HTR3B: variants seen among roughly 807,000 people sequenced by gnomAD.
HTR3B encodes 5-hydroxytryptamine receptor 3B, also known as 5-hydroxytryptamine (serotonin) receptor 3B, ionotropic.
HTR3B carries 44 observed loss-of-function variants against 42.8 expected under a neutral mutation model. The observed-to-expected ratio is 1.03, with a 90% confidence interval of 0.81 to 1.32. The LOEUF (loss-of-function observed/expected upper bound fraction) is 1.32, where lower values mean the gene tolerates loss of function less well. Ranked by LOEUF, HTR3B falls within the 40% of genes most tolerant of loss-of-function variation. The pLI, the probability that HTR3B is intolerant of heterozygous loss-of-function variation, is 0.00. For synonymous variants in HTR3B, 203 were observed against 209.0 expected (o/e 0.97, Z 0.25); for missense variants, 527 against 536.5 (o/e 0.98, Z 0.17).
At chr11:113,920,749 G>T (rs1474994195) in intron 2 of HTR3B, among the ~76,000 whole-genome samples, 1 of 152,048 alleles carries the variant, frequency 6.6e-6, no homozygotes, top group Non-Finnish European at 1.5e-5. Context: ...TTAAATACCA[G>T]GAAATACCTC....
At chr11:113,914,935 C>T (rs1250858078) in intron 2 of HTR3B, among the ~76,000 whole-genome samples, 6 of 152,084 alleles carry the variant, frequency 3.9e-5, no homozygotes, top group Admixed American at 6.6e-5. Flanking sequence ...TACACATATT[C>T]AGTTTTTTCT....
intron 6 of HTR3B, among the ~76,000 whole-genome samples, chr11:113,937,008 T>A (rs1356636425): frequency 6.6e-6 from 1 of 152,182 alleles, no homozygotes; most frequent in Non-Finnish European, 1.5e-5. Flanking sequence ...TAATGGATAA[T>A]GAAATTGTGG....
intron 2 of HTR3B, among the ~76,000 whole-genome samples, chr11:113,925,417 GT>G (rs201996305): frequency 0.024 from 2,448 of 100,704 alleles, 5 homozygotes; most frequent in African/African-American, 0.074. Context: ...TTACGAATTT[GT>G]TTTTTTTTTT....
rs34377344 is a variant in HTR3B at position 113,910,442 on chromosome 11, C to CTTT, written c.213+1001_213+1003dup. 1.6e-3 allele frequency among the ~76,000 whole-genome samples: 223 copies of CTTT among 136,262 alleles called. 1 individual carries two copies. Among genetic ancestry groups the CTTT allele is most frequent in the African/African-American group, 5.8e-3 (208 of 36,060 alleles). The allele number at this position is 136,262 out of a possible 152,430, so 89.4% of individuals were successfully genotyped here. A position where few individuals can be genotyped will look rare whatever the true frequency, so the allele number is the denominator to read the frequency against. ...CCCAGAGTTATTTTGATTTCTCTCT[C>CTTT]TTTTTTTTTTTTTTTTGAGACGGAG... On this transcript the variant is annotated intron_variant, in intron 2 of 8. Coordinates refer to ENST00000260191, the MANE Select transcript of HTR3B (RefSeq NM_006028.5).
Position 113,945,975 on chromosome 11 carries a change from C to T in HTR3B, c.1164C>T (p.Ile388=). 6.2e-7 allele frequency: 1 copy of T among 1,614,170 alleles called. No homozygotes were observed. The highest frequency in any genetic ancestry group is 8.5e-7 in the Non-Finnish European group (1 of 1,180,020). The change falls in exon 9 of 9, where the codon ATC becomes ATT. Residue 388 remains isoleucine, a synonymous_variant. Transcript: ENST00000260191. ...LKEVWSQLQS[I]SNYLQTQDQT... is the part of the protein sequence containing the mutation. The stretch of plus-strand genomic sequence containing the variant: ...AAGTCTGGTCGCAGCTTCAATCTAT[C>T]AGCAACTACCTCCAAACTCAGGACC...
chr11:113,913,350 ATTTTTTTTTTTTTTTTTT>A (rs71063533), intron 2 of HTR3B, among the ~76,000 whole-genome samples: 2 of 61,522 alleles, frequency 3.3e-5, no homozygotes, highest in Non-Finnish European at 5.5e-5. Context: ...TGTCTGGCTA[ATTTTTTTTTTTTTTTTTT>A]TTTTTTTTTT....
intron 6 of HTR3B, among the ~76,000 whole-genome samples, chr11:113,936,698 G>A (rs1000778368): frequency 6.6e-6 from 1 of 152,176 alleles, no homozygotes; most frequent in Non-Finnish European, 1.5e-5. Flanking sequence ...GTGCTTAAAT[G>A]GCAGCAACTT....
At chr11:113,918,540 C>A (rs991161488) in intron 2 of HTR3B, among the ~76,000 whole-genome samples, 16 of 151,710 alleles carry the variant, frequency 1.1e-4, no homozygotes, top group Non-Finnish European at 2.2e-4. Context: ...TTTCCTTTAG[C>A]ATAATTCCCT....
At chr11:113,941,632 A>T (rs538946701) in intron 6 of HTR3B, among the ~76,000 whole-genome samples, 1 of 152,064 alleles carries the variant, frequency 6.6e-6, no homozygotes, top group Non-Finnish European at 1.5e-5. Context: ...CAAAGATGGG[A>T]CCACTGGTCA....
intron 2 of HTR3B, among the ~76,000 whole-genome samples, chr11:113,918,285 G>A (rs1397841016): frequency 2.6e-5 from 4 of 151,592 alleles, no homozygotes; most frequent in Non-Finnish European, 4.4e-5. Context: ...GTGTGTGTGT[G>A]TGTGTGTGTG....
Position 113,944,739 on chromosome 11 carries a change from A to G in HTR3B, c.1074A>G (p.Gln358=), listed in dbSNP as rs765500449. 3.1e-6 allele frequency: 5 copies of G among 1,614,098 alleles called. No individual in the cohort carries two copies. The highest frequency in any genetic ancestry group is 1.7e-4 in the Middle Eastern group (1 of 6,060). ...GGCCTAGAGTGGAACCCAGGGCCCA[A>G]CGTGCTGTGGTAACAGGTGTGTGAG... ...ADRPRVEPRA[Q]RAVVTESSLY... Residue 358 remains glutamine, a synonymous_variant, in exon 8 of 9, where the codon CAA becomes CAG. Coordinates refer to ENST00000260191, the MANE Select transcript of HTR3B (RefSeq NM_006028.5).
At chr11:113,911,834 A>G (rs1409435086) in intron 2 of HTR3B, among the ~76,000 whole-genome samples, 1 of 152,100 alleles carries the variant, frequency 6.6e-6, no homozygotes. Context: ...CGGCCATATA[A>G]CCCATATCTC....
upstream of HTR3B, among the ~76,000 whole-genome samples, chr11:113,900,131 ACCTGTAGT>A (rs998839868): frequency 6.6e-6 from 1 of 151,892 alleles, no homozygotes; most frequent in African/African-American, 2.4e-5. Flanking sequence ...GGTGGCATGC[ACCTGTAGT>A]CCCAGCTACT....
intron 2 of HTR3B, among the ~76,000 whole-genome samples, chr11:113,917,483 G>A (rs969212819): frequency 1.3e-5 from 2 of 151,988 alleles, no homozygotes; most frequent in African/African-American, 4.8e-5. Context: ...TGATGGAGTG[G>A]AATGTTAAAA....
Position 113,909,399 on chromosome 11 carries a change from T to C in HTR3B, c.157T>C (p.Trp53Arg). Residue 53 changes from tryptophan (W) to arginine (R), a missense_variant, in exon 2 of 9, where the codon TGG (tryptophan) becomes CGG (arginine). By Grantham distance (101) the Trp-to-Arg change is moderately radical (BLOSUM62 -3). Transcript: ENST00000260191. ...YHKEVRPVYN[W>R]TKATTVYLDL... is the part of the protein sequence containing the mutation. ...TAAAGAAGTGAGACCTGTTTACAACTGGACCAAGGCCACCACAGTCTACCT... is the reference window on the plus strand; with the variant it reads ...TAAAGAAGTGAGACCTGTTTACAACCGGACCAAGGCCACCACAGTCTACCT... The C allele has an allele frequency of 1.9e-6, 3 of 1,614,140 alleles. No individual in the cohort carries two copies. Among genetic ancestry groups the C allele is most frequent in the Non-Finnish European group, 2.5e-6 (3 of 1,179,954 alleles).
chr11:113,924,624 C>CAAAAAAAAAAAAAAAAAAAA lies in HTR3B; in HGVS notation c.214-6756_214-6737dup, dbSNP rs34212177. Among the ~76,000 whole-genome samples the CAAAAAAAAAAAAAAAAAAAA allele has an allele frequency of 3.8e-5, 2 of 52,230 alleles. 1 individual carries two copies. The highest frequency in any genetic ancestry group is 6.4e-5 in the Non-Finnish European group (2 of 31,008). 34.3% of individuals were successfully genotyped at this position (52,230 alleles called of 152,430 possible). A position where few individuals can be genotyped will look rare whatever the true frequency, so the allele number is the denominator to read the frequency against. ...TGGGCAACAAAGCAAGACCTTGTCT[C>CAAAAAAAAAAAAAAAAAAAA]AAAAAAAAAAAAAAAAAAAAAAAGC... On this transcript the variant is annotated intron_variant, in intron 2 of 8. Transcript: ENST00000260191.
At chr11:113,908,966 A>G in intron 1 of HTR3B, 1 of 414,450 alleles carries the variant, frequency 2.4e-6, no homozygotes. Flanking sequence ...TCTAGATGCT[A>G]GGAGAGGATG....
At chr11:113,945,489 A>G (rs947699389) in intron 8 of HTR3B, among the ~76,000 whole-genome samples, 3 of 152,184 alleles carry the variant, frequency 2.0e-5, no homozygotes, top group Non-Finnish European at 4.4e-5. Flanking sequence ...TGACTGAGCC[A>G]TTGATTTCAG....
At chr11:113,945,594 C>T (rs1017928923) in intron 8 of HTR3B, among the ~76,000 whole-genome samples, 1 of 152,198 alleles carries the variant, frequency 6.6e-6, no homozygotes, top group Non-Finnish European at 1.5e-5. Context: ...GTATAAGAAT[C>T]ATCCCAGCCC....
Sources: gnomAD v4.1 joint callset for allele counts (sites outside exome capture counted in the v4.1 genomes callset) on GRCh38, gnomAD v4.1.1 for gene constraint, MANE v1.5 for transcripts, NCBI Gene and HGNC (gene_info 2026-07-23, HGNC 2026-07-21) for gene names.